The following EBF2 variants were observed in gnomAD, a reference collection of about 807,000 sequenced individuals.
EBF2 encodes transcription factor COE2.
Under a neutral mutation model 72.8 loss-of-function variants are expected in EBF2, and 21 were observed. The ratio of observed to expected loss-of-function variants is 0.29; its 90% CI spans 0.20 to 0.42. The LOEUF is 0.42. Ranked by LOEUF, EBF2 falls within the 10% of genes least tolerant of loss-of-function variation. The pLI, the probability that EBF2 is intolerant of heterozygous loss-of-function variation, is 1.00. For missense variants in EBF2, 637 were observed against 731.2 expected (o/e 0.87, Z 1.49); for synonymous variants, 299 against 274.2 (o/e 1.09, Z -0.89).
chr8:25,858,652 T>C (rs1161150063), intron 13 of EBF2, 148 bp from the exon 14 acceptor site: 7 of 46,928 alleles, frequency 1.5e-4, no homozygotes, highest in East Asian at 1.2e-3. Flanking sequence ...CATCTTTAGC[T>C]TTTTTTTTTT....
rs146673374 is a variant in EBF2 at position 25,946,464 on chromosome 8, G to T, written c.552-37909C>A. Among the ~76,000 whole-genome samples, 24 of 152,322 alleles carry T rather than the reference G, an allele frequency of 1.6e-4. No homozygotes were observed. The East Asian group carries it at 4.4e-3, about 28-fold the overall frequency. ...TCCAAGTTTTCCCAGCAGTCATCTG[G>T]GGTGGCAGGTGAGGGGCAATTGTCA... is the stretch of plus-strand genomic sequence containing the variant. On this transcript the variant is annotated intron_variant, in intron 6 of 15. Coordinates refer to ENST00000520164, the MANE Select transcript of EBF2 (RefSeq NM_022659.4).
At chr8:25,876,119 G>A (rs1001408141) in intron 10 of EBF2, among the ~76,000 whole-genome samples, 1 of 152,176 alleles carries the variant, frequency 6.6e-6, no homozygotes, top group African/African-American at 2.4e-5. Context: ...GCAGGGACAT[G>A]GATGAAGCTG....
intron 6 of EBF2, among the ~76,000 whole-genome samples, chr8:25,997,657 G>A (rs969870140): frequency 6.6e-6 from 1 of 151,752 alleles, no homozygotes; most frequent in African/African-American, 2.4e-5. Flanking sequence ...CATTCAAATT[G>A]GGAGCTGGAA....
At position 25,991,743 on chromosome 8, in the gene EBF2, G is replaced by A. The variant is rs540061456; in HGVS notation, c.551+41342C>T. ...CACCTGTAATCTCAGCTACTTGGGA[G>A]GCTGAGGAAGGAGAATCGCTTGTAC... On this transcript the variant is annotated intron_variant, in intron 6 of 15. Transcript: ENST00000520164. Among the ~76,000 whole-genome samples the A allele has an allele frequency of 2.8e-4, 42 of 152,246 alleles. 1 individual carries two copies. In the South Asian group the frequency reaches 8.1e-3, roughly 29 times the overall value.
chr8:26,005,549 T>TATA (rs753099788), intron 6 of EBF2, among the ~76,000 whole-genome samples: 1 of 15,438 alleles, frequency 6.5e-5, no homozygotes, highest in Non-Finnish European at 1.4e-4. Context: ...ATTTTATATA[T>TATA]ATATATATAT....
intron 6 of EBF2, among the ~76,000 whole-genome samples, chr8:25,933,287 A>T (rs1478228093): frequency 6.6e-6 from 1 of 152,216 alleles, no homozygotes; most frequent in Admixed American, 6.5e-5. Context: ...TGAGCTGTTG[A>T]TGGTATTTTT....
intron 6 of EBF2, among the ~76,000 whole-genome samples, chr8:25,982,260 T>A (rs1804374694): frequency 6.6e-6 from 1 of 152,234 alleles, no homozygotes. Flanking sequence ...TTCAGACATT[T>A]GCTAAATGGG....
chr8:25,960,710 C>T (rs1160410357), intron 6 of EBF2, among the ~76,000 whole-genome samples: 1 of 152,082 alleles, frequency 6.6e-6, no homozygotes, highest in African/African-American at 2.4e-5. Flanking sequence ...GATGCTGTTT[C>T]GTCTCTAGAG....
chr8:26,039,343 C>A (rs1805561589), intron 5 of EBF2, among the ~76,000 whole-genome samples: 1 of 152,184 alleles, frequency 6.6e-6, no homozygotes, highest in Non-Finnish European at 1.5e-5. Context: ...TAGACTGAAC[C>A]TTTCACGACG....
chr8:25,889,437 G>T (rs953010637), intron 8 of EBF2, among the ~76,000 whole-genome samples: 1 of 152,022 alleles, frequency 6.6e-6, no homozygotes, highest in Non-Finnish European at 1.5e-5. Flanking sequence ...TACATGTCTG[G>T]CACTGCAATG....
rs1382333993 is a variant in EBF2 at position 25,845,177 on chromosome 8, T to G, written c.1697-537A>C. 3.9e-5 allele frequency among the ~76,000 whole-genome samples: 6 copies of G among 152,278 alleles called. No individual in the cohort carries two copies. The East Asian group carries it at 1.2e-3, about 29-fold the overall frequency. On this transcript the variant is annotated intron_variant, in intron 15 of 15. Coordinates refer to ENST00000520164, the MANE Select transcript of EBF2 (RefSeq NM_022659.4). ...TTTGGTGCTCACTGTTCATGTCTGATGCTCATTGCAAATGAACACTGATCA... is the reference window on the plus strand; with the variant it reads ...TTTGGTGCTCACTGTTCATGTCTGAGGCTCATTGCAAATGAACACTGATCA...
chr8:25,892,245 T>C (rs1427451020), intron 7 of EBF2, among the ~76,000 whole-genome samples: 1 of 152,234 alleles, frequency 6.6e-6, no homozygotes, highest in Non-Finnish European at 1.5e-5. Flanking sequence ...AGTATATAAA[T>C]GTGGCTTCTC....
rs571729089 is a variant in EBF2, at chr8:25,930,472, C to T, written c.552-21917G>A. 5.3e-5 allele frequency among the ~76,000 whole-genome samples: 8 copies of T among 152,260 alleles called. No homozygotes were observed. In the South Asian group the frequency reaches 1.7e-3, roughly 32 times the overall value. ...ACCATTAAGTGCTACATAAATGTTA[C>T]CACCGCTTAGTGCCTTGCAGGGACT... is the stretch of plus-strand genomic sequence containing the variant. On this transcript the variant is annotated intron_variant, in intron 6 of 15. Coordinates refer to ENST00000520164, the MANE Select transcript of EBF2 (RefSeq NM_022659.4).
chr8:25,978,892 G>A (rs1390382679), intron 6 of EBF2, among the ~76,000 whole-genome samples: 2 of 152,176 alleles, frequency 1.3e-5, no homozygotes, highest in Non-Finnish European at 2.9e-5. Context: ...GGTAAATAAA[G>A]GGTCTGACGC....
chr8:25,863,561 G>A (rs1377733348), intron 10 of EBF2, among the ~76,000 whole-genome samples: 1 of 151,862 alleles, frequency 6.6e-6, no homozygotes, highest in Non-Finnish European at 1.5e-5. Flanking sequence ...TTCTTTAAAA[G>A]TTTCTTGTTT....
At chr8:25,993,459 G>A (rs1338971732) in intron 6 of EBF2, among the ~76,000 whole-genome samples, 1 of 152,192 alleles carries the variant, frequency 6.6e-6, no homozygotes, top group Non-Finnish European at 1.5e-5. Context: ...AATTACTTCT[G>A]AAATGCATCT....
intron 6 of EBF2, among the ~76,000 whole-genome samples, chr8:25,940,639 A>AT (rs1803653882): frequency 6.6e-6 from 1 of 151,990 alleles, no homozygotes; most frequent in African/African-American, 2.4e-5. Context: ...AAAATAAAAA[A>AT]AAAACCACAA....
intron 6 of EBF2, among the ~76,000 whole-genome samples, chr8:25,925,017 G>A (rs1803363741): frequency 6.6e-6 from 1 of 152,054 alleles, no homozygotes; most frequent in Non-Finnish European, 1.5e-5. Flanking sequence ...CACCTGCTTT[G>A]GTCCTGGGGA....
At chr8:26,025,889 A>T (rs1038302566) in intron 6 of EBF2, among the ~76,000 whole-genome samples, 4 of 152,156 alleles carry the variant, frequency 2.6e-5, no homozygotes, top group African/African-American at 9.7e-5. Context: ...AAAAAAAAAT[A>T]CATTGAGTGC....
Sources: allele counts gnomAD v4.1 joint callset (sites outside exome capture counted in the v4.1 genomes callset), GRCh38; gene constraint gnomAD v4.1.1; transcripts MANE v1.5; gene names NCBI Gene and HGNC (gene_info 2026-07-23, HGNC 2026-07-21).